SPATA16: variants seen among roughly 807,000 people sequenced by gnomAD.
SPATA16 encodes spermatogenesis-associated protein 16.
In SPATA16, 36 loss-of-function variants were observed where a neutral mutation model predicts 63.3. The observed-to-expected ratio is 0.57, with a 90% CI of 0.44 to 0.75. The LOEUF is 0.75. Among genes scored for constraint, SPATA16 ranks in the 30% least tolerant of loss-of-function variants. The pLI, the probability that SPATA16 is intolerant of heterozygous loss-of-function variation, is 0.00. For missense variants in SPATA16, 646 were observed against 679.3 expected (o/e 0.95, Z 0.54); for synonymous variants, 203 against 216.7 (o/e 0.94, Z 0.56).
chr3:172,925,678 C>A (rs994889955), intron 6 of SPATA16, among the ~76,000 whole-genome samples, 186 bp from the exon 7 acceptor site: 5 of 152,072 alleles, frequency 3.3e-5, no homozygotes, highest in Non-Finnish European at 2.9e-5. Context: ...TTTCATTACA[C>A]TTTTCTTAGT....
At chr3:172,992,716 T>A (rs1577122242) in intron 4 of SPATA16, among the ~76,000 whole-genome samples, 1 of 152,158 alleles carries the variant, frequency 6.6e-6, no homozygotes, top group South Asian at 2.1e-4. Context: ...CTGGGCATGA[T>A]CAAAGATGAA....
chr3:173,041,376 A>G (rs1577144725), intron 3 of SPATA16, among the ~76,000 whole-genome samples: 1 of 152,298 alleles, frequency 6.6e-6, no homozygotes, highest in Admixed American at 6.5e-5. Flanking sequence ...AGGAAGAAAC[A>G]TTCTCTTCAT....
intron 2 of SPATA16, among the ~76,000 whole-genome samples, chr3:173,058,215 AATAT>A (rs1337153515): frequency 6.6e-6 from 1 of 152,018 alleles, no homozygotes; most frequent in Non-Finnish European, 1.5e-5. Flanking sequence ...CATGTTAATA[AATAT>A]ATATATCATT....
intron 5 of SPATA16, among the ~76,000 whole-genome samples, chr3:172,969,788 C>T (rs1250139856): frequency 2.0e-5 from 3 of 152,148 alleles, no homozygotes; most frequent in Non-Finnish European, 2.9e-5. Flanking sequence ...TGCTCTTGGG[C>T]TTGATCGTGT....
At chr3:172,993,202 GA>G (rs71965210) in intron 4 of SPATA16, among the ~76,000 whole-genome samples, 47 of 147,730 alleles carry the variant, frequency 3.2e-4, no homozygotes, top group East Asian at 1.2e-3. Flanking sequence ...AAATATTAGT[GA>G]AAAAAAAAAG....
intron 5 of SPATA16, 26 bp downstream of exon 5, chr3:172,976,942 T>A (rs773040800): frequency 1.9e-6 from 3 of 1,595,522 alleles, no homozygotes; most frequent in South Asian, 1.1e-5. Flanking sequence ...GGGTTTCTCC[T>A]CCCTAGTTGG....
chr3:173,094,758 A>G (rs998169250), intron 2 of SPATA16, among the ~76,000 whole-genome samples: 7 of 149,462 alleles, frequency 4.7e-5, no homozygotes, highest in Admixed American at 4.1e-4. Context: ...TGGAGACGGA[A>G]GGACCTTCTT....
rs551701559 is a variant in SPATA16 at position 172,960,864 on chromosome 3, A to T, written c.934-4040T>A. On this transcript the variant is annotated intron_variant, in intron 5 of 10. Coordinates refer to ENST00000351008, the MANE Select transcript of SPATA16 (RefSeq NM_031955.6). The stretch of plus-strand genomic sequence containing the variant: ...TCGGGATGATAGAATTATGTAACTT[A>T]CTTTCTTTCTCTCTTTCTTTCTCTC... Among the ~76,000 whole-genome samples the T allele has an allele frequency of 6.8e-4, 64 of 94,308 alleles. No homozygotes were observed. The South Asian group carries it at 0.021, about 30-fold the overall frequency. 61.9% of individuals were successfully genotyped at this position (94,308 alleles called of 152,430 possible). A position where few individuals can be genotyped will look rare whatever the true frequency, so the allele number is the denominator to read the frequency against.
intron 4 of SPATA16, among the ~76,000 whole-genome samples, chr3:172,989,341 A>G (rs1734526454): frequency 6.6e-6 from 1 of 152,228 alleles, no homozygotes; most frequent in East Asian, 1.9e-4. Flanking sequence ...CCATAAAATG[A>G]CAGTTACTTC....
chr3:172,969,315 T>C (rs1383953011), intron 5 of SPATA16, among the ~76,000 whole-genome samples: 1 of 152,134 alleles, frequency 6.6e-6, no homozygotes, highest in African/African-American at 2.4e-5. Context: ...TTATAAAGTA[T>C]TTAAATTGCA....
intron 2 of SPATA16, among the ~76,000 whole-genome samples, chr3:173,074,055 C>G (rs1050214031): frequency 8.5e-5 from 13 of 152,170 alleles, no homozygotes; most frequent in African/African-American, 3.1e-4. Context: ...GTCTTTAGCC[C>G]CATTGTTTTG....
chr3:172,940,333 C>T (rs1416581327), intron 6 of SPATA16, among the ~76,000 whole-genome samples: 1 of 152,190 alleles, frequency 6.6e-6, no homozygotes, highest in Non-Finnish European at 1.5e-5. Flanking sequence ...GAACCTGACA[C>T]TAACTCTATG....
At chr3:172,924,138 A>C (rs1041148427) in intron 8 of SPATA16, 70 bp downstream of exon 8, 1 of 1,265,978 alleles carries the variant, frequency 7.9e-7, no homozygotes, top group Non-Finnish European at 1.1e-6. Context: ...TTTGCCATGT[A>C]AGCCTTATAT....
intron 2 of SPATA16, among the ~76,000 whole-genome samples, chr3:173,066,710 C>A (rs964207925): frequency 1.3e-5 from 2 of 152,078 alleles, no homozygotes; most frequent in African/African-American, 4.8e-5. Context: ...CACAAACAAG[C>A]CCATACTACA....
At chr3:173,113,310 T>C (rs1654393027) in intron 2 of SPATA16, among the ~76,000 whole-genome samples, 1 of 152,192 alleles carries the variant, frequency 6.6e-6, no homozygotes, top group African/African-American at 2.4e-5. Context: ...TTTGCCCTTA[T>C]TGGTTTAGCT....
chr3:172,970,394 CAAAT>C (rs1734023279), intron 5 of SPATA16, among the ~76,000 whole-genome samples: 1 of 152,070 alleles, frequency 6.6e-6, no homozygotes, highest in African/African-American at 2.4e-5. Context: ...TAAGAAAGCT[CAAAT>C]AAACTAATTT....
At chr3:173,038,175 G>A (rs1283100998) in intron 3 of SPATA16, among the ~76,000 whole-genome samples, 1 of 151,996 alleles carries the variant, frequency 6.6e-6, no homozygotes, top group African/African-American at 2.4e-5. Flanking sequence ...ATGAGTAGGG[G>A]TTGGCATCTG....
chr3:172,971,822 G>A (rs1366899469), intron 5 of SPATA16, among the ~76,000 whole-genome samples: 1 of 152,126 alleles, frequency 6.6e-6, no homozygotes, highest in Non-Finnish European at 1.5e-5. Context: ...TGCTTTGAAT[G>A]TTAGAAGCAG....
At position 172,943,170 on chromosome 3, in the gene SPATA16, A is replaced by G. The variant is rs577759159; in HGVS notation, c.1081+13507T>C. On this transcript the variant is annotated intron_variant, in intron 6 of 10. Coordinates refer to ENST00000351008, the MANE Select transcript of SPATA16 (RefSeq NM_031955.6). ...ACATAAAAGAAATAATAAATATAAG[A>G]GCAGAAAGGAGTTAAACGTAAGAAA... 9.2e-5 allele frequency among the ~76,000 whole-genome samples: 14 copies of G among 152,306 alleles called. No homozygotes were observed. In the South Asian group the frequency reaches 2.9e-3, roughly 32 times the overall value.
Sources: allele counts gnomAD v4.1 joint callset (sites outside exome capture counted in the v4.1 genomes callset), GRCh38; gene constraint gnomAD v4.1.1; transcripts MANE v1.5; gene names NCBI Gene and HGNC (gene_info 2026-07-23, HGNC 2026-07-21).